Variants in EIF3J observed in about 807,000 individuals in gnomAD.
EIF3J encodes the protein eukaryotic translation initiation factor 3, subunit 1 (alpha, 35kD).
A neutral mutation model predicts 39.0 loss-of-function variants in EIF3J; 15 were observed. That is an observed-to-expected ratio of 0.38 (90% CI 0.26 to 0.59). The LOEUF (loss-of-function observed/expected upper bound fraction) is 0.59, where lower values mean the gene tolerates loss of function less well. EIF3J is among the 20% of genes least tolerant of loss of function. The pLI, the probability that EIF3J is intolerant of heterozygous loss-of-function variation, is 0.60. For synonymous variants in EIF3J, 98 were observed against 112.9 expected (o/e 0.87, Z 0.84); for missense variants, 226 against 308.6 (o/e 0.73, Z 2.00).
At chr15:44,546,278 C>T (rs367694030) in intron 2 of EIF3J, among the ~76,000 whole-genome samples, 22 of 152,094 alleles carry the variant, frequency 1.4e-4, no homozygotes, top group African/African-American at 3.1e-4. Flanking sequence ...GTTAAAACTG[C>T]GAGCTGTGGG....
chr15:44,560,987 G>A, intron 7 of EIF3J, 31 bp from the exon 8 acceptor site: 1 of 1,609,708 alleles, frequency 6.2e-7, no homozygotes, highest in Non-Finnish European at 8.5e-7. Context: ...AGCACACTAA[G>A]GTTCATGAAT....
chr15:44,547,477 C>T lies in EIF3J; in HGVS notation c.148-3399C>T, dbSNP rs568227881. Among the ~76,000 whole-genome samples the T allele has an allele frequency of 1.6e-3, 206 of 128,624 alleles. 1 individual carries two copies. The highest frequency in any genetic ancestry group is 5.7e-3 in the African/African-American group (193 of 33,598). 84.4% of individuals were successfully genotyped at this position (128,624 alleles called of 152,430 possible). ...TTTTTTTTTTTTTGAGACGAAGTCT[C>T]GCCGCACTGTCACCTGGGCTGGAGT... On this transcript the variant is annotated intron_variant, in intron 2 of 7. Transcript: ENST00000261868.
At chr15:44,547,576 G>A (rs940812730) in intron 2 of EIF3J, among the ~76,000 whole-genome samples, 1 of 150,308 alleles carries the variant, frequency 6.7e-6, no homozygotes, top group East Asian at 2.0e-4. Flanking sequence ...CAGCCCCCAA[G>A]TAGTTGGGAT....
chr15:44,544,252 G>A (rs1001643298), intron 2 of EIF3J, among the ~76,000 whole-genome samples: 1 of 151,034 alleles, frequency 6.6e-6, no homozygotes, highest in Non-Finnish European at 1.5e-5. Context: ...ACACCACCAC[G>A]CCCTGCTAAT....
chr15:44,546,816 CTTTTTTTTTTTTT>C (rs1160471321), intron 2 of EIF3J, among the ~76,000 whole-genome samples: 50 of 78,908 alleles, frequency 6.3e-4, no homozygotes, highest in African/African-American at 2.3e-3. Context: ...GAGTATAGAT[CTTTTTTTTTTTTT>C]TTTTTTTTTT....
Position 44,539,060 on chromosome 15 carries a change from C to CT in EIF3J, c.147+1635dup, listed in dbSNP as rs556627711. 2.5e-3 allele frequency among the ~76,000 whole-genome samples: 359 copies of CT among 141,662 alleles called. 4 individuals are homozygous for CT. Among genetic ancestry groups the CT allele is most frequent in the African/African-American group, 9.3e-3 (352 of 37,978 alleles). 92.9% of individuals were successfully genotyped at this position (141,662 alleles called of 152,430 possible). A position where few individuals can be genotyped will look rare whatever the true frequency, so the allele number is the denominator to read the frequency against. Reference sequence around the variant, plus strand: ...TTTTTTTTTGAGATGGAGTTTCGCTCTTGTTGCCCAGGCTGGAGTGCAATG... The same window carrying CT: ...TTTTTTTTTGAGATGGAGTTTCGCTCTTTGTTGCCCAGGCTGGAGTGCAATG... On this transcript the variant is annotated intron_variant, in intron 2 of 7. Coordinates refer to ENST00000261868, the MANE Select transcript of EIF3J (RefSeq NM_003758.4).
At chr15:44,553,432 C>T (rs2140899183) in intron 4 of EIF3J, among the ~76,000 whole-genome samples, 1 of 151,592 alleles carries the variant, frequency 6.6e-6, no homozygotes, top group East Asian at 1.9e-4. Context: ...GCGGAGCTTG[C>T]AGTGAGCGGA....
At chr15:44,553,089 G>C (rs960159696) in intron 4 of EIF3J, among the ~76,000 whole-genome samples, 4 of 151,864 alleles carry the variant, frequency 2.6e-5, no homozygotes, top group Non-Finnish European at 5.9e-5. Context: ...GGGAGGCTAA[G>C]GTAGGAGAAT....
At chr15:44,560,376 T>TCGC in intron 7 of EIF3J, 54 bp downstream of exon 7, 1 of 1,516,074 alleles carries the variant, frequency 6.6e-7, no homozygotes, top group African/African-American at 1.4e-5. Context: ...GGGTTATAGG[T>TCGC]CTAACAGTCA....
Position 44,537,180 on chromosome 15 carries a change from C to G in EIF3J, c.-15C>G. On this transcript the variant is annotated 5_prime_UTR_variant, in exon 1 of 8. Coordinates refer to ENST00000261868, the MANE Select transcript of EIF3J (RefSeq NM_003758.4). ...GCTAGCTCTCCCTCTCACACACGCT[C>G]ACACCCGGCTCGAGATGGCGGCGGC... is the stretch of plus-strand genomic sequence containing the variant. 1 of 1,612,706 alleles carries G rather than the reference C, an allele frequency of 6.2e-7. No individual in the cohort carries two copies. Among genetic ancestry groups the G allele is most frequent in the South Asian group, 1.1e-5 (1 of 91,010 alleles).
At chr15:44,544,787 C>T (rs1270675187) in intron 2 of EIF3J, among the ~76,000 whole-genome samples, 2 of 150,306 alleles carry the variant, frequency 1.3e-5, no homozygotes, top group Admixed American at 6.6e-5. Flanking sequence ...GGGTGGATCA[C>T]GAGGTCAAGA....
chr15:44,545,789 A>T (rs1013149240), intron 2 of EIF3J, among the ~76,000 whole-genome samples: 15 of 152,186 alleles, frequency 9.9e-5, no homozygotes, highest in African/African-American at 3.4e-4. Flanking sequence ...ACCAGAACTT[A>T]TTCTTCTAAC....
intron 2 of EIF3J, 148 bp downstream of exon 2, chr15:44,537,575 G>A: frequency 1.2e-6 from 1 of 844,006 alleles, no homozygotes; most frequent in Non-Finnish European, 1.7e-6. Context: ...CCCTCCGCTT[G>A]CCGGCCATGT....
chr15:44,539,557 C>T (rs1417050106), intron 2 of EIF3J, among the ~76,000 whole-genome samples: 9 of 151,316 alleles, frequency 5.9e-5, no homozygotes, highest in East Asian at 2.0e-4. Context: ...CCCACCACCA[C>T]GCCCGGCTAA....
chr15:44,549,131 T>C (rs887515337), intron 2 of EIF3J, among the ~76,000 whole-genome samples: 2 of 152,124 alleles, frequency 1.3e-5, no homozygotes, highest in African/African-American at 2.4e-5. Context: ...AAGTGGCTCA[T>C]GCCTGTACTC....
At position 44,546,816 on chromosome 15, in the gene EIF3J, CTTTT is replaced by C. The variant is rs1160471321; in HGVS notation, c.148-4035_148-4032del. On this transcript the variant is annotated intron_variant, in intron 2 of 7. Transcript: ENST00000261868. ...GGCATAGAAAAAACAGAGTATAGAT[CTTTT>C]TTTTTTTTTTTTTTTTTTTTTTTTG... Among the ~76,000 whole-genome samples the C allele has an allele frequency of 1.8e-4, 14 of 78,898 alleles. No homozygotes were observed. The South Asian group carries it at 2.0e-3, about 11-fold the overall frequency. The allele number at this position is 78,898 out of a possible 152,430, so 51.8% of individuals were successfully genotyped here. A position where few individuals can be genotyped will look rare whatever the true frequency, so the allele number is the denominator to read the frequency against.
chr15:44,559,121 G>C (rs1048315899), intron 6 of EIF3J: 1 of 152,038 alleles, frequency 6.6e-6, no homozygotes, highest in Admixed American at 6.6e-5. Context: ...CATTCTGGCC[G>C]GGCGTGGTGG....
chr15:44,544,208 C>A (rs1026464964), intron 2 of EIF3J, among the ~76,000 whole-genome samples: 7 of 150,534 alleles, frequency 4.7e-5, no homozygotes, highest in African/African-American at 1.5e-4. Context: ...GATTCTTGGG[C>A]ATCAGCCTCC....
intron 6 of EIF3J, chr15:44,558,701 A>T (rs966502603): frequency 6.6e-6 from 1 of 152,020 alleles, no homozygotes; most frequent in African/African-American, 2.4e-5. Context: ...TGGCCTCCCA[A>T]AGTACTGGGA....
Sources: gnomAD v4.1 joint callset for allele counts (sites outside exome capture counted in the v4.1 genomes callset) on GRCh38, gnomAD v4.1.1 for gene constraint, MANE v1.5 for transcripts, NCBI Gene and HGNC (gene_info 2026-07-23, HGNC 2026-07-21) for gene names.